The following DCC variants were observed in gnomAD, a reference collection of about 807,000 sequenced individuals.
DCC encodes DCC netrin 1 receptor.
Under a neutral mutation model 172.5 loss-of-function variants are expected in DCC, and 58 were observed. That is an observed-to-expected ratio of 0.34 (90% CI 0.27 to 0.42). The LOEUF is 0.42. DCC is among the 10% of genes least tolerant of loss of function. The probability of loss-of-function intolerance (pLI) is 1.00; values close to 1 mark genes in which losing one functional copy is unlikely to be tolerated. For missense variants in DCC, 1,740 were observed against 1,791.0 expected (o/e 0.97, Z 0.51); for synonymous variants, 709 against 644.5 (o/e 1.10, Z -1.52).
chr18:52,511,088 T>G (rs2031420921), intron 1 of DCC, among the ~76,000 whole-genome samples: 1 of 152,106 alleles, frequency 6.6e-6, no homozygotes, highest in South Asian at 2.1e-4. Context: ...GAAACTATCC[T>G]GACTAACATG....
intron 7 of DCC, among the ~76,000 whole-genome samples, chr18:53,091,846 TCTATCA>T (rs1199727656): frequency 4.3e-3 from 237 of 54,626 alleles, no homozygotes; most frequent in African/African-American, 0.022. Context: ...TATCTATCTA[TCTATCA>T]ATCTATCTAT....
At chr18:53,354,607 C>T (rs557986040) in intron 15 of DCC, among the ~76,000 whole-genome samples, 2 of 152,014 alleles carry the variant, frequency 1.3e-5, no homozygotes, top group South Asian at 4.2e-4. Context: ...TTTTGATGGG[C>T]TTCTTTGTTT....
chr18:52,815,367 G>A (rs933254811), intron 2 of DCC, among the ~76,000 whole-genome samples: 2 of 151,814 alleles, frequency 1.3e-5, no homozygotes, highest in African/African-American at 2.4e-5. Context: ...TATTAAAAGA[G>A]GAAGAGATAG....
chr18:53,435,360 A>C lies in DCC; in HGVS notation c.3229+151A>C. On this transcript the variant is annotated intron_variant, in intron 22 of 28. Transcript: ENST00000442544. ...ATAATAGAAACATGAAGTTATTAAAAAACAAAAACAAAAACAAAAAAAACA... is the reference window on the plus strand; with the variant it reads ...ATAATAGAAACATGAAGTTATTAAACAACAAAAACAAAAACAAAAAAAACA... 3 of 578,722 alleles carry C rather than the reference A, an allele frequency of 5.2e-6. No homozygotes were observed. In the Admixed American group the frequency reaches 8.6e-5, roughly 17 times the overall value. 35.8% of individuals were successfully genotyped at this position (578,722 alleles called of 1,614,324 possible).
At chr18:52,417,109 T>C (rs1437768968) in intron 1 of DCC, among the ~76,000 whole-genome samples, 1 of 152,152 alleles carries the variant, frequency 6.6e-6, no homozygotes, top group Admixed American at 6.5e-5. Flanking sequence ...CTGTAAAGTA[T>C]TTTATTTCTC....
chr18:53,285,514 A>T (rs1055322845), intron 12 of DCC, among the ~76,000 whole-genome samples: 2 of 152,236 alleles, frequency 1.3e-5, no homozygotes, highest in African/African-American at 4.8e-5. Context: ...CAGAAAATGT[A>T]TGGAAATGCC....
chr18:53,300,351 T>C (rs1468127170), intron 12 of DCC, among the ~76,000 whole-genome samples: 1 of 152,170 alleles, frequency 6.6e-6, no homozygotes, highest in Non-Finnish European at 1.5e-5. Flanking sequence ...TCTTCTTGTT[T>C]TAGCCCTCAT....
intron 5 of DCC, among the ~76,000 whole-genome samples, chr18:53,052,936 A>C (rs983296815): frequency 4.6e-5 from 7 of 152,040 alleles, no homozygotes; most frequent in African/African-American, 1.4e-4. Context: ...TGAGGTCAGG[A>C]GTTTGAGACC....
At chr18:53,041,603 G>T (rs1044149115) in intron 5 of DCC, among the ~76,000 whole-genome samples, 1 of 151,968 alleles carries the variant, frequency 6.6e-6, no homozygotes, top group African/African-American at 2.4e-5. Flanking sequence ...ATTACTTTGG[G>T]CAGTATGGCC....
chr18:53,353,095 T>C (rs1409010232), intron 15 of DCC, among the ~76,000 whole-genome samples: 1 of 152,044 alleles, frequency 6.6e-6, no homozygotes, highest in Non-Finnish European at 1.5e-5. Context: ...CTGACCAACA[T>C]GGAGAAATCT....
chr18:52,762,222 C>T (rs1194489359), intron 2 of DCC, among the ~76,000 whole-genome samples: 1 of 152,040 alleles, frequency 6.6e-6, no homozygotes, highest in East Asian at 1.9e-4. Flanking sequence ...GCCTGTAATC[C>T]CAACATTTGG....
intron 13 of DCC, among the ~76,000 whole-genome samples, chr18:53,314,303 A>C (rs1457220939): frequency 6.6e-6 from 1 of 152,182 alleles, no homozygotes; most frequent in African/African-American, 2.4e-5. Context: ...TCGCAAGTTA[A>C]ATTTTCTTGA....
At chr18:52,395,447 C>T (rs894855063) in intron 1 of DCC, among the ~76,000 whole-genome samples, 2 of 151,848 alleles carry the variant, frequency 1.3e-5, no homozygotes, top group Non-Finnish European at 2.9e-5. Context: ...TTGCAGCCAC[C>T]CTCAAAAGGA....
intron 12 of DCC, among the ~76,000 whole-genome samples, chr18:53,268,169 C>T (rs2056704298): frequency 6.6e-6 from 1 of 151,966 alleles, no homozygotes; most frequent in Non-Finnish European, 1.5e-5. Flanking sequence ...TAAGTGTTGT[C>T]TCTGGCTTTC....
At chr18:52,530,754 G>C (rs1334603063) in intron 1 of DCC, among the ~76,000 whole-genome samples, 2 of 152,156 alleles carry the variant, frequency 1.3e-5, no homozygotes, top group Non-Finnish European at 2.9e-5. Flanking sequence ...TCAGAACACT[G>C]TGCTAGGTAA....
At chr18:53,365,392 T>TG (rs2057994065) in intron 15 of DCC, among the ~76,000 whole-genome samples, 2 of 136,906 alleles carry the variant, frequency 1.5e-5, no homozygotes, top group Admixed American at 1.4e-4. Flanking sequence ...TAAAGTACAG[T>TG]AATATATATA....
At chr18:53,061,509 T>C (rs147904652) in intron 5 of DCC, among the ~76,000 whole-genome samples, 2,482 of 152,246 alleles carry the variant, frequency 0.016, 24 homozygotes, top group Non-Finnish European at 0.027. Flanking sequence ...GTAACTTTTA[T>C]GGTACCAGGA....
At chr18:53,428,863 T>A (rs1260806576) in intron 21 of DCC, among the ~76,000 whole-genome samples, 1 of 47,200 alleles carries the variant, frequency 2.1e-5, no homozygotes, top group Non-Finnish European at 3.5e-5. Context: ...TTATATATTA[T>A]ATATTTTATA....
rs551205870 is a variant in DCC at position 53,177,554 on chromosome 18, C to T, written c.1419-1408C>T. Among the ~76,000 whole-genome samples the T allele has an allele frequency of 2.6e-5, 4 of 152,184 alleles. No homozygotes were observed. In the South Asian group the frequency reaches 8.3e-4, roughly 32 times the overall value. ...TGTTACTGATTGTCAGTTCTTTTCCCAGCTCTTCTCTAGAATTATTACAAA... is the reference window on the plus strand; with the variant it reads ...TGTTACTGATTGTCAGTTCTTTTCCTAGCTCTTCTCTAGAATTATTACAAA... On this transcript the variant is annotated intron_variant, in intron 8 of 28. Transcript: ENST00000442544.
Sources: allele counts gnomAD v4.1 joint callset (sites outside exome capture counted in the v4.1 genomes callset), GRCh38; gene constraint gnomAD v4.1.1; transcripts MANE v1.5; gene names NCBI Gene and HGNC (gene_info 2026-07-23, HGNC 2026-07-21).